The following LINGO1 variants were observed in gnomAD, a reference collection of about 807,000 sequenced individuals.
LINGO1 encodes leucine rich repeat and Ig domain containing 1, also known as leucine-rich repeat and immunoglobulin-like domain-containing nogo receptor-interacting protein 1.
LINGO1 carries 11 observed loss-of-function variants against 37.3 expected under a neutral mutation model. That is an observed-to-expected ratio of 0.29 (90% CI 0.19 to 0.49). LINGO1 has a LOEUF of 0.49. Among genes scored for constraint, LINGO1 ranks in the 20% least tolerant of loss-of-function variants. The probability of loss-of-function intolerance (pLI) is 0.99; values close to 1 mark genes in which losing one functional copy is unlikely to be tolerated. For missense variants in LINGO1, 585 were observed against 878.2 expected (o/e 0.67, Z 4.22); for synonymous variants, 387 against 403.0 (o/e 0.96, Z 0.48).
intron 2 of LINGO1, among the ~76,000 whole-genome samples, chr15:77,713,211 T>TGC (rs1491574605): frequency 1.2e-3 from 2 of 1,690 alleles, no homozygotes; most frequent in Non-Finnish European, 4.3e-3. Flanking sequence ...CCCAGCTAAT[T>TGC]GTGTGTGTGT....
chr15:77,687,305 A>C (rs1235619633), intron 2 of LINGO1, among the ~76,000 whole-genome samples: 1 of 152,016 alleles, frequency 6.6e-6, no homozygotes, highest in East Asian at 1.9e-4. Context: ...ATCAAAGTTC[A>C]ATCTGTCCAG....
intron 1 of LINGO1, among the ~76,000 whole-genome samples, chr15:77,742,599 A>G (rs115724675): frequency 1.6e-3 from 249 of 152,358 alleles, no homozygotes; most frequent in African/African-American, 5.8e-3. Flanking sequence ...ATTCTGCCTC[A>G]TCCAGGATGT....
intron 2 of LINGO1, among the ~76,000 whole-genome samples, chr15:77,714,454 T>C (rs1319095851): frequency 6.6e-6 from 1 of 151,854 alleles, no homozygotes; most frequent in Non-Finnish European, 1.5e-5. Flanking sequence ...GCCATGCAAA[T>C]GCCCTCATTT....
At chr15:77,756,958 C>T (rs975406168) in intron 1 of LINGO1, among the ~76,000 whole-genome samples, 1 of 152,230 alleles carries the variant, frequency 6.6e-6, no homozygotes, top group African/African-American at 2.4e-5. Flanking sequence ...GGGGCCCCCA[C>T]CTCTGCTGTG....
chr15:77,685,104 G>C (rs1278400602), intron 2 of LINGO1, among the ~76,000 whole-genome samples: 2 of 150,548 alleles, frequency 1.3e-5, no homozygotes, highest in Non-Finnish European at 3.0e-5. Flanking sequence ...TGTGGGGAGT[G>C]GGGGTAAGAG....
rs149852559 is a variant in LINGO1 at position 77,692,853 on chromosome 15, C to T, written c.-280-1952G>A. 6.9e-3 allele frequency among the ~76,000 whole-genome samples: 1,051 copies of T among 152,354 alleles called. 13 individuals are homozygous for T. The highest frequency in any genetic ancestry group is 0.024 in the African/African-American group (1,007 of 41,578). On this transcript the variant is annotated intron_variant, in intron 1 of 3. Transcript: ENST00000559893. ...TGGTATCCAGGCCTCTGCCTCTAGC[C>T]CCAGCCAGCCCCATTCCACAGGTGG...
At chr15:77,665,520 G>T (rs1038572622) in intron 3 of LINGO1, among the ~76,000 whole-genome samples, 4 of 152,202 alleles carry the variant, frequency 2.6e-5, no homozygotes, top group Admixed American at 2.0e-4. Flanking sequence ...AGACCTGGGA[G>T]ACCCAGCACA....
chr15:77,716,664 A>G (rs930707311), intron 2 of LINGO1, among the ~76,000 whole-genome samples: 2 of 149,416 alleles, frequency 1.3e-5, no homozygotes, highest in Non-Finnish European at 3.0e-5. Flanking sequence ...CTGTCTCCCA[A>G]CTCTCCTCCT....
upstream of LINGO1, among the ~76,000 whole-genome samples, chr15:77,787,552 G>T (rs2076783801): frequency 6.6e-6 from 1 of 151,482 alleles, no homozygotes. Context: ...GGGACTGGAG[G>T]GGGCTTCAGG....
At chr15:77,740,121 C>A (rs191103316) in intron 1 of LINGO1, among the ~76,000 whole-genome samples, 2 of 152,318 alleles carry the variant, frequency 1.3e-5, no homozygotes, top group East Asian at 3.9e-4. Context: ...GGGATGAGGG[C>A]TTTAAAGGAA....
At chr15:77,818,399 G>A (rs1271272600) in intron 1 of LINGO1, among the ~76,000 whole-genome samples, 1 of 152,214 alleles carries the variant, frequency 6.6e-6, no homozygotes, top group Non-Finnish European at 1.5e-5. Flanking sequence ...CAGAGTGTGG[G>A]AGGAGACTCA....
At position 77,631,699 on chromosome 15, in the gene LINGO1, A is replaced by T. The variant is rs1024940375; in HGVS notation, c.6+611T>A. 2.6e-5 allele frequency among the ~76,000 whole-genome samples: 4 copies of T among 152,354 alleles called. No homozygotes were observed. The South Asian group carries it at 8.3e-4, about 32-fold the overall frequency. ...GGTGAGAAGCCCGGGCTGAACGCAGACAAAGGGGAGGCCCCTAAAGCGTTC... is the reference window on the plus strand; with the variant it reads ...GGTGAGAAGCCCGGGCTGAACGCAGTCAAAGGGGAGGCCCCTAAAGCGTTC... On this transcript the variant is annotated intron_variant, in intron 1 of 1. Coordinates refer to ENST00000355300, the MANE Select transcript of LINGO1 (RefSeq NM_032808.7).
intron 1 of LINGO1, among the ~76,000 whole-genome samples, chr15:77,626,900 C>T (rs1418366804): frequency 6.6e-6 from 1 of 152,176 alleles, no homozygotes; most frequent in East Asian, 1.9e-4. Flanking sequence ...CCTCTCAGCT[C>T]TGAGATGCCC....
At chr15:77,804,795 T>C (rs1475028554) in intron 1 of LINGO1, among the ~76,000 whole-genome samples, 1 of 152,170 alleles carries the variant, frequency 6.6e-6, no homozygotes, top group East Asian at 1.9e-4. Context: ...CACTGCTAAG[T>C]GAGCCTGCAG....
At chr15:77,801,813 G>A (rs1460366777) in intron 1 of LINGO1, among the ~76,000 whole-genome samples, 1 of 152,142 alleles carries the variant, frequency 6.6e-6, no homozygotes, top group African/African-American at 2.4e-5. Context: ...GCTCCCCCAG[G>A]CCAAGGTCGA....
intron 1 of LINGO1, among the ~76,000 whole-genome samples, chr15:77,625,356 A>T (rs2074056341): frequency 6.6e-6 from 1 of 152,168 alleles, no homozygotes. Flanking sequence ...AAATTCATTT[A>T]ATCTCACACC....
At chr15:77,741,852 C>T (rs1416796627) in intron 1 of LINGO1, among the ~76,000 whole-genome samples, 1 of 152,192 alleles carries the variant, frequency 6.6e-6, no homozygotes, top group African/African-American at 2.4e-5. Flanking sequence ...AATGTTCTCA[C>T]CTAGAATGTC....
intron 2 of LINGO1, among the ~76,000 whole-genome samples, chr15:77,732,588 G>A (rs558353220): frequency 6.6e-6 from 1 of 152,224 alleles, no homozygotes; most frequent in Non-Finnish European, 1.5e-5. Context: ...GTGGACTGAG[G>A]TCCCTTCTGG....
intron 1 of LINGO1, among the ~76,000 whole-genome samples, chr15:77,768,445 C>G (rs1253135821): frequency 6.6e-6 from 1 of 152,200 alleles, no homozygotes; most frequent in Non-Finnish European, 1.5e-5. Flanking sequence ...ACAAAAAAGG[C>G]AGCCAGCCAC....
Sources: gnomAD v4.1 joint callset for allele counts (sites outside exome capture counted in the v4.1 genomes callset) on GRCh38, gnomAD v4.1.1 for gene constraint, MANE v1.5 for transcripts, NCBI Gene and HGNC (gene_info 2026-07-23, HGNC 2026-07-21) for gene names.